The following COMMD1 variants were observed in gnomAD, a reference collection of about 807,000 sequenced individuals.
COMMD1 encodes COMM domain-containing protein 1.
Under a neutral mutation model 17.2 loss-of-function variants are expected in COMMD1, and 10 were observed. The observed-to-expected ratio is 0.58, with a 90% confidence interval of 0.36 to 0.99. The LOEUF is 0.99. COMMD1 is among the 50% of genes least tolerant of loss of function. COMMD1 has a pLI of 0.01. For missense variants in COMMD1, 270 were observed against 231.8 expected (o/e 1.17, Z -1.07); for synonymous variants, 97 against 91.6 (o/e 1.06, Z -0.34).
chr2:62,049,796 G>C (rs950523544), intron 2 of COMMD1, among the ~76,000 whole-genome samples: 2 of 152,186 alleles, frequency 1.3e-5, no homozygotes, highest in Non-Finnish European at 2.9e-5. Context: ...TTCTGCTTTT[G>C]GTCCATTTCA....
intron 2 of COMMD1, among the ~76,000 whole-genome samples, chr2:62,034,114 A>G (rs1669981731): frequency 6.6e-6 from 1 of 151,540 alleles, no homozygotes; most frequent in African/African-American, 2.4e-5. Flanking sequence ...AAAAAAAAGA[A>G]ATGTATTAAA....
intron 1 of COMMD1, among the ~76,000 whole-genome samples, chr2:61,918,227 T>C (rs1670097985): frequency 6.6e-6 from 1 of 152,230 alleles, no homozygotes; most frequent in Non-Finnish European, 1.5e-5. Context: ...AGAAATACCA[T>C]TTTCTGGAAA....
At chr2:61,939,183 G>T (rs1426526503) in intron 1 of COMMD1, among the ~76,000 whole-genome samples, 1 of 151,946 alleles carries the variant, frequency 6.6e-6, no homozygotes, top group Non-Finnish European at 1.5e-5. Context: ...GCCGGGCGCG[G>T]TGGCTCACAC....
chr2:61,991,885 C>G (rs1306332320), intron 1 of COMMD1, among the ~76,000 whole-genome samples: 2 of 152,086 alleles, frequency 1.3e-5, no homozygotes, highest in African/African-American at 4.8e-5. Context: ...ATATCCAGCC[C>G]AGTGTTTCTT....
rs565359798 is a variant in COMMD1 at position 62,087,847 on chromosome 2, T to C, written c.463-47984T>C. ...TAGTAGGGAGATAATATCCATGTTTTCTAATAAGAAATTGGAGACGCTTTG... is the reference window on the plus strand; with the variant it reads ...TAGTAGGGAGATAATATCCATGTTTCCTAATAAGAAATTGGAGACGCTTTG... On this transcript the variant is annotated intron_variant, in intron 2 of 2. Coordinates refer to ENST00000311832, the MANE Select transcript of COMMD1 (RefSeq NM_152516.4). Among the ~76,000 whole-genome samples, 7 of 152,368 alleles carry C rather than the reference T, an allele frequency of 4.6e-5. 1 individual carries two copies. The South Asian group carries it at 1.4e-3, about 32-fold the overall frequency.
chr2:62,009,194 T>C (rs1669210086), intron 2 of COMMD1, among the ~76,000 whole-genome samples: 1 of 152,338 alleles, frequency 6.6e-6, no homozygotes, highest in South Asian at 2.1e-4. Context: ...CAACTCTTTT[T>C]GTAGCTCTAA....
At chr2:62,078,509 C>T (rs1294272209) in intron 2 of COMMD1, among the ~76,000 whole-genome samples, 2 of 141,850 alleles carry the variant, frequency 1.4e-5, no homozygotes, top group African/African-American at 5.3e-5. Flanking sequence ...GCTGAAATCG[C>T]GCCACTGCAC....
chr2:61,972,064 G>A (rs1057277816), intron 1 of COMMD1, among the ~76,000 whole-genome samples: 3 of 152,114 alleles, frequency 2.0e-5, no homozygotes, highest in South Asian at 2.1e-4. Context: ...CAGAGGTGGT[G>A]AACAGAGATT....
At chr2:61,902,425 G>C (rs1214556320), upstream of COMMD1, among the ~76,000 whole-genome samples, 1 of 151,978 alleles carries the variant, frequency 6.6e-6, no homozygotes, top group Non-Finnish European at 1.5e-5. Context: ...AGAATCGTTT[G>C]AACCCGGGAG....
intron 2 of COMMD1, among the ~76,000 whole-genome samples, chr2:62,040,808 T>G (rs1294503192): frequency 6.6e-6 from 1 of 152,086 alleles, no homozygotes; most frequent in Non-Finnish European, 1.5e-5. Flanking sequence ...CCTCCTGGGT[T>G]CAAGCAGTTC....
At chr2:62,067,606 T>A (rs1174932306) in intron 2 of COMMD1, among the ~76,000 whole-genome samples, 2 of 152,182 alleles carry the variant, frequency 1.3e-5, no homozygotes, top group East Asian at 3.8e-4. Flanking sequence ...GGGAAAACTA[T>A]TTTTTATGCC....
At chr2:62,029,391 T>C (rs1483091880) in intron 2 of COMMD1, among the ~76,000 whole-genome samples, 3 of 152,090 alleles carry the variant, frequency 2.0e-5, no homozygotes, top group Non-Finnish European at 4.4e-5. Context: ...TTTTTTATTA[T>C]GGAAACTTAA....
chr2:62,094,013 A>G (rs1671921522), intron 2 of COMMD1, among the ~76,000 whole-genome samples: 1 of 152,224 alleles, frequency 6.6e-6, no homozygotes, highest in Non-Finnish European at 1.5e-5. Flanking sequence ...TATCCTGCCC[A>G]GTAATGCCCC....
chr2:62,087,914 GTC>G (rs1671713700), intron 2 of COMMD1, among the ~76,000 whole-genome samples: 2 of 152,194 alleles, frequency 1.3e-5, no homozygotes, highest in Admixed American at 1.3e-4. Context: ...TATACTCACT[GTC>G]TCTACTTTTT....
chr2:62,059,245 T>C (rs1670790022), intron 2 of COMMD1, among the ~76,000 whole-genome samples: 1 of 151,148 alleles, frequency 6.6e-6, no homozygotes, highest in African/African-American at 2.4e-5. Context: ...AGCCTCTACC[T>C]CCTGGGCTAA....
At chr2:62,042,131 T>C (rs1290028373) in intron 2 of COMMD1, among the ~76,000 whole-genome samples, 1 of 152,210 alleles carries the variant, frequency 6.6e-6, no homozygotes, top group Non-Finnish European at 1.5e-5. Flanking sequence ...GACAGAGCGC[T>C]GATTGGTGCA....
At chr2:61,979,808 T>G (rs1164656917) in intron 1 of COMMD1, among the ~76,000 whole-genome samples, 2 of 148,178 alleles carry the variant, frequency 1.3e-5, no homozygotes, top group Non-Finnish European at 3.0e-5. Flanking sequence ...GCAGGTTAGT[T>G]ACATATGTAT....
rs190130570 is a variant in COMMD1 at position 62,100,680 on chromosome 2, G to A, written c.463-35151G>A. ...CACAGAAAGGAAATGTCCAGGTTAA[G>A]GTAAAAGATTGTGGAGACCAAGGTT... On this transcript the variant is annotated intron_variant, in intron 2 of 2. Transcript: ENST00000311832. Among the ~76,000 whole-genome samples, 61 of 152,242 alleles carry A rather than the reference G, an allele frequency of 4.0e-4. 3 individuals are homozygous for A. In the East Asian group the frequency reaches 6.0e-3, roughly 15 times the overall value.
At chr2:61,996,932 G>A (rs766571482) in intron 1 of COMMD1, among the ~76,000 whole-genome samples, 2 of 152,134 alleles carry the variant, frequency 1.3e-5, no homozygotes, top group East Asian at 3.8e-4. Flanking sequence ...TCTATGAATC[G>A]TGAATGTTCT....
Sources: allele counts gnomAD v4.1 joint callset (sites outside exome capture counted in the v4.1 genomes callset), GRCh38; gene constraint gnomAD v4.1.1; transcripts MANE v1.5; gene names NCBI Gene and HGNC (gene_info 2026-07-23, HGNC 2026-07-21).